The following RPH3A variants were observed in gnomAD, a reference collection of about 807,000 sequenced individuals.
RPH3A encodes rabphilin 3A, also known as rabphilin-3A.
RPH3A carries 48 observed loss-of-function variants against 102.2 expected under a neutral mutation model. The observed-to-expected ratio is 0.47, with a 90% CI of 0.37 to 0.60. RPH3A has a LOEUF of 0.60. Ranked by LOEUF, RPH3A falls within the 20% of genes least tolerant of loss-of-function variation. The probability of loss-of-function intolerance (pLI) is 0.00; values close to 1 mark genes in which losing one functional copy is unlikely to be tolerated. For synonymous variants in RPH3A, 310 were observed against 324.3 expected, an observed-to-expected ratio of 0.96 and a Z score of 0.47; for missense variants, 781 against 910.1, an observed-to-expected ratio of 0.86 and a Z score of 1.83.
chr12:112,877,040 A>G (rs1334903753), intron 13 of RPH3A, among the ~76,000 whole-genome samples, 174 bp downstream of exon 13: 1 of 152,232 alleles, frequency 6.6e-6, no homozygotes, highest in African/African-American at 2.4e-5. Flanking sequence ...TAAATTCACA[A>G]AATATCAGCT....
intron 1 of RPH3A, among the ~76,000 whole-genome samples, chr12:112,713,032 T>TTCC (rs2040486186): frequency 3.9e-5 from 3 of 76,412 alleles, no homozygotes; most frequent in African/African-American, 2.1e-4. Flanking sequence ...CCTCTTCTTC[T>TTCC]TCTTCTTCTT....
intron 1 of RPH3A, among the ~76,000 whole-genome samples, chr12:112,731,306 TTC>T (rs971450952): frequency 1.3e-5 from 2 of 152,150 alleles, no homozygotes; most frequent in South Asian, 2.1e-4. Context: ...TAAGTTTCCA[TTC>T]TCTGTTTTTG....
chr12:112,594,256 C>T (rs1268596461), intron 1 of RPH3A, among the ~76,000 whole-genome samples: 2 of 152,146 alleles, frequency 1.3e-5, no homozygotes, highest in African/African-American at 4.8e-5. Context: ...ACTACCCTCT[C>T]ATTCCTTCTC....
intron 4 of RPH3A, among the ~76,000 whole-genome samples, chr12:112,843,936 G>A (rs1439312203): frequency 6.6e-6 from 1 of 152,128 alleles, no homozygotes; most frequent in East Asian, 1.9e-4. Flanking sequence ...TCCTTTAAAA[G>A]TAATGGGAAG....
intron 15 of RPH3A, among the ~76,000 whole-genome samples, chr12:112,882,774 A>G (rs1264929712): frequency 6.6e-6 from 1 of 152,152 alleles, no homozygotes; most frequent in Middle Eastern, 3.2e-3. Context: ...GAAGAATCTA[A>G]TGTGAATCAT....
chr12:112,678,685 C>T (rs1367343242), intron 1 of RPH3A, among the ~76,000 whole-genome samples: 1 of 152,104 alleles, frequency 6.6e-6, no homozygotes, highest in Admixed American at 6.5e-5. Context: ...AAACCTGACG[C>T]AGGATTTAAC....
chr12:112,711,708 T>A (rs1223810046), intron 1 of RPH3A, among the ~76,000 whole-genome samples: 1 of 152,214 alleles, frequency 6.6e-6, no homozygotes, highest in Non-Finnish European at 1.5e-5. Context: ...GGGCATCTCA[T>A]TGGGCGGGCT....
At chr12:112,727,997 C>A (rs183703532) in intron 1 of RPH3A, among the ~76,000 whole-genome samples, 178 of 152,270 alleles carry the variant, frequency 1.2e-3, no homozygotes, top group Non-Finnish European at 2.0e-3. Flanking sequence ...TAAAGTAGAC[C>A]TACTGAAGAA....
chr12:112,608,119 CTTTT>C (rs529911758), intron 1 of RPH3A, among the ~76,000 whole-genome samples: 1 of 142,810 alleles, frequency 7.0e-6, no homozygotes. Context: ...CTTTCTTTTT[CTTTT>C]TTTTTTTTTT....
At chr12:112,846,493 G>C (rs1284545594) in intron 4 of RPH3A, among the ~76,000 whole-genome samples, 1 of 152,214 alleles carries the variant, frequency 6.6e-6, no homozygotes, top group Admixed American at 6.5e-5. Context: ...TTCAGAGCAA[G>C]CTAGCTAAGG....
At chr12:112,800,638 C>T (rs1181655528) in intron 2 of RPH3A, among the ~76,000 whole-genome samples, 1 of 151,864 alleles carries the variant, frequency 6.6e-6, no homozygotes, top group Non-Finnish European at 1.5e-5. Context: ...GGGGCAGGGA[C>T]CAGGTGGTAG....
chr12:112,842,083 T>G, intron 4 of RPH3A: 1 of 455,000 alleles, frequency 2.2e-6, no homozygotes, highest in South Asian at 1.6e-5. Flanking sequence ...TTTCATTCCA[T>G]TGGGTTCTTC....
Position 112,871,317 on chromosome 12 carries a change from A to G in RPH3A, c.796+1278A>G, listed in dbSNP as rs375053084. 4.6e-4 allele frequency among the ~76,000 whole-genome samples: 70 copies of G among 152,310 alleles called. 2 individuals carry two copies. In the East Asian group the frequency reaches 0.013, roughly 28 times the overall value. ...TCTGCAGAACTTTTTTGTCATTACA[A>G]ACTGAAACTTTGTATCCATTAAATA... On this transcript the variant is annotated intron_variant, in intron 10 of 21. Transcript: ENST00000389385.
intron 1 of RPH3A, among the ~76,000 whole-genome samples, chr12:112,713,023 C>CTCTTCTTCTTCT (rs59958503): frequency 1.9e-5 from 1 of 52,816 alleles, no homozygotes; most frequent in Non-Finnish European, 3.2e-5. Flanking sequence ...CTTCCTCTTC[C>CTCTTCTTCTTCT]TCTTCTTCTT....
chr12:112,776,190 T>A (rs973326402), intron 1 of RPH3A, among the ~76,000 whole-genome samples: 1 of 152,232 alleles, frequency 6.6e-6, no homozygotes, highest in Non-Finnish European at 1.5e-5. Context: ...TTATTGAATA[T>A]CTACTATGAG....
intron 1 of RPH3A, among the ~76,000 whole-genome samples, chr12:112,644,659 A>T (rs947898064): frequency 4.6e-5 from 7 of 152,214 alleles, no homozygotes; most frequent in African/African-American, 1.7e-4. Flanking sequence ...ATGTTAGCTC[A>T]TTCTTTTGAT....
chr12:112,817,376 C>G (rs2041693816), intron 2 of RPH3A, among the ~76,000 whole-genome samples: 1 of 152,120 alleles, frequency 6.6e-6, no homozygotes, highest in Admixed American at 6.5e-5. Context: ...ATCCGTTCCT[C>G]CATCCTTTAT....
At chr12:112,708,183 T>A (rs2040437593) in intron 1 of RPH3A, among the ~76,000 whole-genome samples, 1 of 152,236 alleles carries the variant, frequency 6.6e-6, no homozygotes, top group African/African-American at 2.4e-5. Flanking sequence ...ACAGCCTATG[T>A]GGTCCATAAG....
intron 1 of RPH3A, among the ~76,000 whole-genome samples, chr12:112,771,452 C>G (rs2040927049): frequency 6.6e-6 from 1 of 152,144 alleles, no homozygotes; most frequent in South Asian, 2.1e-4. Context: ...ATTCATTTAC[C>G]CAGTCCCCTT....
Sources: allele counts gnomAD v4.1 joint callset (sites outside exome capture counted in the v4.1 genomes callset), GRCh38; gene constraint gnomAD v4.1.1; transcripts MANE v1.5; gene names NCBI Gene and HGNC (gene_info 2026-07-23, HGNC 2026-07-21).